ERBB4: variants seen among roughly 807,000 people sequenced by gnomAD.
The protein encoded by ERBB4 is erb-b2 receptor tyrosine kinase 4.
Under a neutral mutation model 158.0 loss-of-function variants are expected in ERBB4, and 42 were observed. The observed-to-expected ratio is 0.27, with a 90% CI of 0.21 to 0.34. The LOEUF (loss-of-function observed/expected upper bound fraction) is 0.34. Ranked by LOEUF, ERBB4 falls within the 10% of genes least tolerant of loss-of-function variation. ERBB4 has a pLI of 1.00. For synonymous variants in ERBB4, 583 were observed against 558.7 expected (o/e 1.04, Z -0.61); for missense variants, 1,333 against 1,624.1 (o/e 0.82, Z 3.08).
intron 1 of ERBB4, among the ~76,000 whole-genome samples, chr2:212,199,078 G>A (rs771666187): frequency 6.6e-6 from 1 of 152,088 alleles, no homozygotes; most frequent in South Asian, 2.1e-4. Context: ...TCACCATACT[G>A]TTTTCCACAG....
intron 20 of ERBB4, among the ~76,000 whole-genome samples, chr2:211,451,550 C>T (rs1469079922): frequency 6.6e-6 from 1 of 151,862 alleles, no homozygotes; most frequent in East Asian, 1.9e-4. Flanking sequence ...TGGTCAAGAA[C>T]CTAACAAAAA....
intron 2 of ERBB4, among the ~76,000 whole-genome samples, chr2:211,993,856 G>GA: frequency 6.6e-6 from 1 of 150,514 alleles, no homozygotes; most frequent in Middle Eastern, 3.5e-3. Flanking sequence ...GTGTTTCTTA[G>GA]AAAAAAAGAA....
chr2:212,014,953 G>C (rs139812976), intron 2 of ERBB4, among the ~76,000 whole-genome samples: 3,942 of 146,884 alleles, frequency 0.027, 209 homozygotes, highest in African/African-American at 0.098. Flanking sequence ...AGCACTTTGG[G>C]AGGCGAAGGC....
intron 7 of ERBB4, among the ~76,000 whole-genome samples, chr2:211,719,931 G>A (rs1307953206): frequency 1.3e-5 from 2 of 151,490 alleles, no homozygotes; most frequent in African/African-American, 4.9e-5. Context: ...AGGATAGTCT[G>A]TTTACATGGC....
At chr2:212,387,284 G>A (rs1034742065) in intron 1 of ERBB4, among the ~76,000 whole-genome samples, 5 of 152,134 alleles carry the variant, frequency 3.3e-5, no homozygotes, top group South Asian at 2.1e-4. Context: ...CTAATATCAA[G>A]CATAGTTTTA....
At chr2:212,042,467 G>A (rs1049908943) in intron 2 of ERBB4, among the ~76,000 whole-genome samples, 10 of 152,046 alleles carry the variant, frequency 6.6e-5, no homozygotes, top group Admixed American at 1.3e-4. Flanking sequence ...AATCATGCAC[G>A]ATTGTGTAGC....
intron 5 of ERBB4, among the ~76,000 whole-genome samples, chr2:211,743,438 G>C (rs1219355213): frequency 6.6e-6 from 1 of 152,184 alleles, no homozygotes; most frequent in Non-Finnish European, 1.5e-5. Context: ...TGGGAGACTG[G>C]AGAGAGCTGG....
intron 19 of ERBB4, among the ~76,000 whole-genome samples, chr2:211,615,911 A>G (rs977554368): frequency 6.6e-6 from 1 of 152,088 alleles, no homozygotes; most frequent in African/African-American, 2.4e-5. Flanking sequence ...AGATTGTGCA[A>G]TTTCCATTGT....
At chr2:211,641,710 G>A (rs1438991121) in intron 16 of ERBB4, among the ~76,000 whole-genome samples, 1 of 152,116 alleles carries the variant, frequency 6.6e-6, no homozygotes, top group Non-Finnish European at 1.5e-5. Context: ...ATGCAAAGCT[G>A]TAAGTACTAA....
At chr2:211,430,113 A>C (rs1398324410) in intron 21 of ERBB4, among the ~76,000 whole-genome samples, 1 of 152,158 alleles carries the variant, frequency 6.6e-6, no homozygotes, top group African/African-American at 2.4e-5. Context: ...AATATTTATA[A>C]TATATATTTG....
At chr2:212,488,970 A>C (rs1690124930) in intron 1 of ERBB4, among the ~76,000 whole-genome samples, 1 of 149,062 alleles carries the variant, frequency 6.7e-6, no homozygotes, top group Non-Finnish European at 1.5e-5. Flanking sequence ...AGATGGCCAG[A>C]ACCTGCCACC....
At chr2:212,137,996 G>T (rs956831059) in intron 1 of ERBB4, among the ~76,000 whole-genome samples, 3 of 152,250 alleles carry the variant, frequency 2.0e-5, no homozygotes, top group East Asian at 1.9e-4. Flanking sequence ...TGGGTTATCT[G>T]TAAAAGGAAT....
intron 16 of ERBB4, among the ~76,000 whole-genome samples, chr2:211,635,547 T>C (rs1036123943): frequency 3.9e-5 from 6 of 152,132 alleles, no homozygotes; most frequent in Admixed American, 2.6e-4. Flanking sequence ...AACCTTAGTT[T>C]TAAAAACATC....
intron 4 of ERBB4, among the ~76,000 whole-genome samples, chr2:211,756,002 G>T (rs1490895073): frequency 6.6e-6 from 1 of 152,192 alleles, no homozygotes; most frequent in Non-Finnish European, 1.5e-5. Context: ...ACTAGAGAAA[G>T]AAGTGAGAGA....
chr2:212,185,230 C>A (rs1559683362), intron 1 of ERBB4, among the ~76,000 whole-genome samples: 1 of 151,800 alleles, frequency 6.6e-6, no homozygotes, highest in Non-Finnish European at 1.5e-5. Flanking sequence ...CCATGTTGAC[C>A]AGGCTGGTCT....
chr2:211,747,138 A>C (rs903038435), intron 5 of ERBB4, among the ~76,000 whole-genome samples: 9 of 152,310 alleles, frequency 5.9e-5, no homozygotes, highest in African/African-American at 1.9e-4. Context: ...TTTGGATCCC[A>C]AATCTAAATT....
At chr2:212,067,180 A>G (rs1369816276) in intron 2 of ERBB4, among the ~76,000 whole-genome samples, 1 of 151,988 alleles carries the variant, frequency 6.6e-6, no homozygotes, top group Non-Finnish European at 1.5e-5. Context: ...AACTATTCAC[A>G]AATATTTTTA....
rs573616246 is a variant in ERBB4 at position 212,535,089 on chromosome 2, C to CA, written c.82+3359dup. 7.3e-5 allele frequency among the ~76,000 whole-genome samples: 11 copies of CA among 150,526 alleles called. No individual in the cohort carries two copies. In the East Asian group the frequency reaches 1.2e-3, roughly 16 times the overall value. ...AAATAAAAGCAGTTGAGTTTAAGAG[C>CA]AAAAAAAAGGAATACTGATATAACT... On this transcript the variant is annotated intron_variant, in intron 1 of 27. Transcript: ENST00000342788.
At chr2:211,972,067 G>A (rs1487811278) in intron 2 of ERBB4, among the ~76,000 whole-genome samples, 1 of 152,058 alleles carries the variant, frequency 6.6e-6, no homozygotes, top group Non-Finnish European at 1.5e-5. Context: ...CAAAGTCTCA[G>A]GATATAAAAT....
Sources: allele counts gnomAD v4.1 joint callset (sites outside exome capture counted in the v4.1 genomes callset), GRCh38; gene constraint gnomAD v4.1.1; transcripts MANE v1.5; gene names NCBI Gene and HGNC (gene_info 2026-07-23, HGNC 2026-07-21).